The following SLC25A48 variants were observed in gnomAD, a reference collection of about 807,000 sequenced individuals.
SLC25A48 encodes solute carrier family 25 member 48, also known as CTC-321K16.1.
A neutral mutation model predicts 32.2 loss-of-function variants in SLC25A48; 29 were observed. That is an observed-to-expected ratio of 0.90 (90% CI 0.67 to 1.23). The LOEUF (loss-of-function observed/expected upper bound fraction) is 1.23, where lower values mean the gene tolerates loss of function less well. Among genes scored for constraint, SLC25A48 ranks in the 50% most tolerant of loss-of-function variants. The pLI, the probability that SLC25A48 is intolerant of heterozygous loss-of-function variation, is 0.00. For missense variants in SLC25A48, 399 were observed against 422.7 expected, an observed-to-expected ratio of 0.94 and a Z score of 0.49; for synonymous variants, 164 against 172.3, an observed-to-expected ratio of 0.95 and a Z score of 0.38.
intron 4 of SLC25A48, among the ~76,000 whole-genome samples, chr5:135,855,110 CAT>C (rs1760202457): frequency 6.6e-6 from 1 of 152,138 alleles, no homozygotes; most frequent in African/African-American, 2.4e-5. Context: ...ACATTAGTAG[CAT>C]CAAAGATCAC....
rs190470423 is a variant in SLC25A48, at chr5:135,854,202, A to C, written c.421+1381A>C. ...GATTGTCATTCTTAAAGGCCCTAGG[A>C]TTTTCAGAATGGTAAGTGAGCACTG... On this transcript the variant is annotated intron_variant, in intron 4 of 7. Coordinates refer to ENST00000681962, the MANE Select transcript of SLC25A48 (RefSeq NM_001349336.2). 7.2e-5 allele frequency among the ~76,000 whole-genome samples: 11 copies of C among 152,268 alleles called. No individual in the cohort carries two copies. In the East Asian group the frequency reaches 1.7e-3, roughly 24 times the overall value.
chr5:135,791,891 G>A (rs1200154071), intron 3 of SLC25A48, among the ~76,000 whole-genome samples: 1 of 151,598 alleles, frequency 6.6e-6, no homozygotes. Flanking sequence ...CACAGGGTAT[G>A]TACATTCTGT....
chr5:135,722,763 C>A (rs1290230686), intron 3 of SLC25A48, among the ~76,000 whole-genome samples: 1 of 152,266 alleles, frequency 6.6e-6, no homozygotes, highest in Non-Finnish European at 1.5e-5. Context: ...TCATCATTGT[C>A]CGGACAGTTA....
chr5:135,738,459 G>T (rs972774867), intron 3 of SLC25A48, among the ~76,000 whole-genome samples: 4 of 152,182 alleles, frequency 2.6e-5, no homozygotes, highest in African/African-American at 9.6e-5. Context: ...GACATTTGCT[G>T]CAGAAGGTGG....
intron 2 of SLC25A48, among the ~76,000 whole-genome samples, chr5:135,630,769 T>G (rs1267186461): frequency 6.6e-6 from 1 of 152,054 alleles, no homozygotes. Flanking sequence ...GCCTGGCTAA[T>G]TTTTGTATTA....
At chr5:135,585,196 G>T (rs1013695665) in intron 1 of SLC25A48, among the ~76,000 whole-genome samples, 1 of 152,112 alleles carries the variant, frequency 6.6e-6, no homozygotes, top group Non-Finnish European at 1.5e-5. Context: ...CCTCCATCCG[G>T]CCTCACTTGT....
chr5:135,767,783 C>A (rs13173172), intron 3 of SLC25A48, among the ~76,000 whole-genome samples: 46,667 of 151,284 alleles, frequency 0.31, 7,387 homozygotes, highest in East Asian at 0.46. Flanking sequence ...TGTGTGTACT[C>A]CCTTCTGTGA....
At chr5:135,718,809 G>C (rs1754877249) in intron 3 of SLC25A48, among the ~76,000 whole-genome samples, 1 of 151,890 alleles carries the variant, frequency 6.6e-6, no homozygotes, top group South Asian at 2.1e-4. Flanking sequence ...TGAAATCTTA[G>C]AGCACAGATG....
chr5:135,591,698 C>G (rs1308801349), intron 1 of SLC25A48, among the ~76,000 whole-genome samples: 1 of 152,200 alleles, frequency 6.6e-6, no homozygotes, highest in Non-Finnish European at 1.5e-5. Context: ...GGAGTGGGAG[C>G]TGGTGAGTGA....
At chr5:135,683,934 CA>C (rs1753959336) in intron 3 of SLC25A48, among the ~76,000 whole-genome samples, 1 of 152,094 alleles carries the variant, frequency 6.6e-6, no homozygotes. Flanking sequence ...ATGTGGTAAA[CA>C]TGAGCTCTGG....
rs747099379 is a variant in SLC25A48, at chr5:135,888,427, C to T, written c.*403C>T. 1.3e-5 allele frequency: 3 copies of T among 233,702 alleles called. No homozygotes were observed. Among genetic ancestry groups the T allele is most frequent in the East Asian group, 7.9e-5 (1 of 12,720 alleles). The allele number at this position is 233,702 out of a possible 1,614,324, so 14.5% of individuals were successfully genotyped here. A position where few individuals can be genotyped will look rare whatever the true frequency, so the allele number is the denominator to read the frequency against. ...CCACTCCCTCCAGTCTCAAGTAACA[C>T]GTCCCCGTGCCTCCAGTCTCCTCTC... On this transcript the variant is annotated 3_prime_UTR_variant, in exon 8 of 8. Transcript: ENST00000681962.
intron 4 of SLC25A48, among the ~76,000 whole-genome samples, chr5:135,867,615 A>C (rs1464512253): frequency 6.6e-6 from 1 of 152,170 alleles, no homozygotes; most frequent in Non-Finnish European, 1.5e-5. Context: ...ATTCATCAGC[A>C]GGGCTATCTT....
intron 3 of SLC25A48, among the ~76,000 whole-genome samples, chr5:135,801,142 C>T (rs1757312520): frequency 2.0e-5 from 3 of 150,992 alleles, no homozygotes; most frequent in Non-Finnish European, 4.4e-5. Flanking sequence ...GATATTACTC[C>T]CAATATCACA....
chr5:135,771,486 G>T (rs1415888478), intron 3 of SLC25A48, among the ~76,000 whole-genome samples: 1 of 151,082 alleles, frequency 6.6e-6, no homozygotes, highest in Non-Finnish European at 1.5e-5. Context: ...ACACTCCCCT[G>T]TGATATGGTT....
chr5:135,630,961 C>G (rs1580737287), intron 2 of SLC25A48, among the ~76,000 whole-genome samples: 2 of 152,090 alleles, frequency 1.3e-5, no homozygotes, highest in Admixed American at 6.5e-5. Flanking sequence ...CGCTCCTGGA[C>G]CTGGGCCTTG....
chr5:135,642,011 C>G (rs1369295994), intron 3 of SLC25A48, among the ~76,000 whole-genome samples: 3 of 152,202 alleles, frequency 2.0e-5, no homozygotes, highest in South Asian at 2.1e-4. Flanking sequence ...CATAGCTTGT[C>G]TTTTCTAAGA....
At chr5:135,766,600 C>A (rs78162850) in intron 3 of SLC25A48, among the ~76,000 whole-genome samples, 2,344 of 151,164 alleles carry the variant, frequency 0.016, 45 homozygotes, top group African/African-American at 0.044. Context: ...TCCCATCCCA[C>A]GGAAGGTGGT....
intron 3 of SLC25A48, among the ~76,000 whole-genome samples, chr5:135,804,611 G>T (rs1757421211): frequency 6.6e-6 from 1 of 151,050 alleles, no homozygotes; most frequent in Non-Finnish European, 1.5e-5. Flanking sequence ...TATCACAGTG[G>T]GTTTACATCA....
intron 3 of SLC25A48, among the ~76,000 whole-genome samples, chr5:135,656,649 T>C (rs1388021097): frequency 6.6e-6 from 1 of 152,134 alleles, no homozygotes. Context: ...CAAATGTAAT[T>C]AGTTAAATTA....
Sources: allele counts gnomAD v4.1 joint callset (sites outside exome capture counted in the v4.1 genomes callset), GRCh38; gene constraint gnomAD v4.1.1; transcripts MANE v1.5; gene names NCBI Gene and HGNC (gene_info 2026-07-23, HGNC 2026-07-21).